Variants in ZNF148 observed in about 807,000 individuals in gnomAD.
ZNF148 encodes the protein Beta-Enolase Repressor Factor-1.
ZNF148 carries 7 observed loss-of-function variants against 67.7 expected under a neutral mutation model. That is an observed-to-expected ratio of 0.10 (90% CI 0.06 to 0.19). The LOEUF is 0.19. Among genes scored for constraint, ZNF148 ranks in the 10% least tolerant of loss-of-function variants. ZNF148 has a pLI of 1.00. For synonymous variants in ZNF148, 333 were observed against 330.7 expected, an observed-to-expected ratio of 1.01 and a Z score of -0.08; for missense variants, 583 against 947.1, an observed-to-expected ratio of 0.62 and a Z score of 5.05.
intron 7 of ZNF148, among the ~76,000 whole-genome samples, chr3:125,265,841 TTTG>T (rs1193120032): frequency 3.9e-5 from 6 of 152,182 alleles, no homozygotes; most frequent in African/African-American, 9.6e-5. Context: ...TTGCAGTCAT[TTTG>T]TTTTTTTAAT....
intron 4 of ZNF148, among the ~76,000 whole-genome samples, chr3:125,297,065 T>G (rs545117871): frequency 9.3e-4 from 141 of 152,046 alleles, no homozygotes; most frequent in African/African-American, 2.9e-3. Context: ...GTTTTAAAAT[T>G]TATACATTTT....
intron 1 of ZNF148, among the ~76,000 whole-genome samples, chr3:125,331,928 T>C (rs1179515023): frequency 6.6e-6 from 1 of 152,192 alleles, no homozygotes; most frequent in Non-Finnish European, 1.5e-5. Flanking sequence ...GACTGAAAGT[T>C]GAATTATCAG....
intron 7 of ZNF148, among the ~76,000 whole-genome samples, chr3:125,237,783 C>T (rs944159318): frequency 2.6e-5 from 4 of 152,114 alleles, no homozygotes; most frequent in East Asian, 1.9e-4. Flanking sequence ...AGATTTAAAA[C>T]AGAAATTGAC....
At chr3:125,321,924 C>G (rs751248401) in intron 3 of ZNF148, among the ~76,000 whole-genome samples, 1 of 150,486 alleles carries the variant, frequency 6.6e-6, no homozygotes, top group Non-Finnish European at 1.5e-5. Flanking sequence ...GCACATACCA[C>G]TATGCCTAGA....
chr3:125,319,604 T>C (rs1174200289), intron 3 of ZNF148, among the ~76,000 whole-genome samples: 2 of 152,232 alleles, frequency 1.3e-5, no homozygotes, highest in Non-Finnish European at 2.9e-5. Flanking sequence ...GTCTGTATTC[T>C]AAAATTCAGA....
intron 5 of ZNF148, among the ~76,000 whole-genome samples, chr3:125,281,503 A>C (rs1938384446): frequency 6.6e-6 from 1 of 152,236 alleles, no homozygotes; most frequent in Non-Finnish European, 1.5e-5. Flanking sequence ...CTGCCAAAAA[A>C]CATGGCACTT....
At chr3:125,336,655 A>C (rs1009041347) in intron 1 of ZNF148, among the ~76,000 whole-genome samples, 3 of 147,210 alleles carry the variant, frequency 2.0e-5, no homozygotes, top group African/African-American at 7.6e-5. Flanking sequence ...AATAAACTCA[A>C]ACCAACCACC....
At chr3:125,357,326 A>G in intron 1 of ZNF148, 1 of 153,754 alleles carries the variant, frequency 6.5e-6, no homozygotes, top group Non-Finnish European at 1.4e-5. Context: ...ACACGCACGC[A>G]CGCACGCACT....
intron 1 of ZNF148, among the ~76,000 whole-genome samples, chr3:125,341,336 A>G (rs1941715823): frequency 6.6e-6 from 1 of 151,852 alleles, no homozygotes. Context: ...AAAAAAAGCA[A>G]AGCCAGCTGC....
At chr3:125,240,974 T>C (rs1432465586) in intron 7 of ZNF148, among the ~76,000 whole-genome samples, 1 of 151,862 alleles carries the variant, frequency 6.6e-6, no homozygotes, top group African/African-American at 2.4e-5. Context: ...TTGGTTCTCA[T>C]TTTTTATTCC....
intron 7 of ZNF148, among the ~76,000 whole-genome samples, chr3:125,270,037 T>C (rs996406889): frequency 6.6e-5 from 10 of 152,166 alleles, no homozygotes; most frequent in Non-Finnish European, 1.2e-4. Flanking sequence ...ACAGGATTAA[T>C]AGAAGCCCAA....
chr3:125,245,759 T>A (rs183523219), intron 7 of ZNF148, among the ~76,000 whole-genome samples: 8 of 152,362 alleles, frequency 5.3e-5, no homozygotes, highest in Non-Finnish European at 8.8e-5. Context: ...GTCTAGCCTA[T>A]CACATAATAT....
At position 125,323,365 on chromosome 3, in the gene ZNF148, A is replaced by G; in HGVS notation, c.-73T>C. ...GAAAGGAATGCTGTAGAGTTGAAAA[A>G]GAAATCATGGTTGAGTTTCTACCTT... is the stretch of plus-strand genomic sequence containing the variant. On this transcript the variant is annotated 5_prime_UTR_variant, in exon 3 of 9. Coordinates refer to ENST00000360647, the MANE Select transcript of ZNF148 (RefSeq NM_021964.3). 1.4e-6 allele frequency: 1 copy of G among 695,848 alleles called. No individual in the cohort carries two copies. The highest frequency in any genetic ancestry group is 2.6e-6 in the Non-Finnish European group (1 of 382,892). 43.1% of individuals were successfully genotyped at this position (695,848 alleles called of 1,614,324 possible). A position where few individuals can be genotyped will look rare whatever the true frequency, so the allele number is the denominator to read the frequency against.
chr3:125,345,131 C>T (rs1461804681), intron 1 of ZNF148, among the ~76,000 whole-genome samples: 1 of 151,982 alleles, frequency 6.6e-6, no homozygotes, highest in African/African-American at 2.4e-5. Flanking sequence ...TTCTTAAGTA[C>T]CCATGGAACA....
At chr3:125,276,563 A>C (rs2107603799) in intron 7 of ZNF148, among the ~76,000 whole-genome samples, 1 of 152,142 alleles carries the variant, frequency 6.6e-6, no homozygotes, top group South Asian at 2.1e-4. Context: ...CCTCCCGAGT[A>C]GCTGGGATTA....
At chr3:125,257,662 T>C (rs1467369577) in intron 7 of ZNF148, among the ~76,000 whole-genome samples, 2 of 152,008 alleles carry the variant, frequency 1.3e-5, no homozygotes, top group Admixed American at 6.5e-5. Flanking sequence ...TCCACAACTC[T>C]GTGGTTTTTC....
chr3:125,303,125 G>T (rs1939684063), intron 4 of ZNF148, among the ~76,000 whole-genome samples: 1 of 152,200 alleles, frequency 6.6e-6, no homozygotes, highest in South Asian at 2.1e-4. Flanking sequence ...GTCACATCCT[G>T]TAGGATTCCA....
chr3:125,366,536 G>A (rs1182593885), intron 1 of ZNF148, among the ~76,000 whole-genome samples: 1 of 150,196 alleles, frequency 6.7e-6, no homozygotes, highest in Non-Finnish European at 1.5e-5. Context: ...CCCTTGGCCA[G>A]CTTTTTTTCT....
rs186773931 is a variant in ZNF148 at position 125,349,959 on chromosome 3, C to G, written c.-233-18721G>C. ...AGATACATGAACTTGTATGAACAAC[C>G]ATTATCCAAAAATAACAATAACAAG... On this transcript the variant is annotated intron_variant, in intron 1 of 8. Transcript: ENST00000360647. 1.7e-4 allele frequency among the ~76,000 whole-genome samples: 26 copies of G among 152,258 alleles called. No individual in the cohort carries two copies. In the East Asian group the frequency reaches 5.0e-3, roughly 29 times the overall value.
Sources: allele counts gnomAD v4.1 joint callset (sites outside exome capture counted in the v4.1 genomes callset), GRCh38; gene constraint gnomAD v4.1.1; transcripts MANE v1.5; gene names NCBI Gene and HGNC (gene_info 2026-07-23, HGNC 2026-07-21).